Variants in GRK3 observed in about 807,000 individuals in gnomAD.
The protein encoded by GRK3 is adrenergic, beta, receptor kinase 2.
Under a neutral mutation model 95.7 loss-of-function variants are expected in GRK3, and 54 were observed. The ratio of observed to expected loss-of-function variants is 0.56; its 90% CI spans 0.45 to 0.71. The LOEUF (loss-of-function observed/expected upper bound fraction) is 0.71, where lower values mean the gene tolerates loss of function less well. Among genes scored for constraint, GRK3 ranks in the 30% least tolerant of loss-of-function variants. The probability of loss-of-function intolerance (pLI) is 0.00; values close to 1 mark genes in which losing one functional copy is unlikely to be tolerated. For missense variants in GRK3, 649 were observed against 851.2 expected (o/e 0.76, Z 2.96); for synonymous variants, 281 against 290.8 (o/e 0.97, Z 0.34).
At chr22:25,604,299 C>A in intron 1 of GRK3, 78 bp from the exon 2 acceptor site, 1 of 1,040,814 alleles carries the variant, frequency 9.6e-7, no homozygotes, top group South Asian at 1.5e-5. Flanking sequence ...GTCAAGACAT[C>A]CGTATCTCTT....
chr22:25,606,942 A>G (rs1356006916), intron 2 of GRK3, among the ~76,000 whole-genome samples: 3,494 of 152,018 alleles, frequency 0.023, 36 homozygotes, highest in East Asian at 0.034. Context: ...TTTAGCTGGT[A>G]ATACACATGA....
At chr22:25,596,101 G>A (rs1377390552) in intron 1 of GRK3, among the ~76,000 whole-genome samples, 3 of 152,184 alleles carry the variant, frequency 2.0e-5, no homozygotes, top group Admixed American at 6.5e-5. Context: ...ATCATGGTAG[G>A]AATTGTATGG....
At chr22:25,720,131 A>G (rs2085419701) in intron 19 of GRK3, among the ~76,000 whole-genome samples, 1 of 152,126 alleles carries the variant, frequency 6.6e-6, no homozygotes, top group African/African-American at 2.4e-5. Context: ...CAGATTATAC[A>G]TTTATTATGC....
intron 1 of GRK3, among the ~76,000 whole-genome samples, chr22:25,582,010 C>T (rs1443404307): frequency 2.6e-5 from 4 of 152,084 alleles, no homozygotes; most frequent in African/African-American, 9.7e-5. Flanking sequence ...TGGCTGGGCG[C>T]GGTGGCCTGT....
chr22:25,650,713 G>A (rs931880847), intron 3 of GRK3, among the ~76,000 whole-genome samples: 2 of 152,184 alleles, frequency 1.3e-5, no homozygotes, highest in African/African-American at 4.8e-5. Context: ...TATCTTCTGA[G>A]ACTTTTAAGA....
At chr22:25,718,524 C>A (rs1484876160) in intron 19 of GRK3, 143 bp downstream of exon 19, 4 of 958,524 alleles carry the variant, frequency 4.2e-6, no homozygotes, top group Non-Finnish European at 6.2e-6. Context: ...TTGTAATGTG[C>A]AAACTTTAAC....
At chr22:25,631,471 C>T (rs1034808582) in intron 2 of GRK3, among the ~76,000 whole-genome samples, 1 of 152,212 alleles carries the variant, frequency 6.6e-6, no homozygotes, top group Non-Finnish European at 1.5e-5. Flanking sequence ...TATTTACAGC[C>T]ACTGTGAGGG....
At chr22:25,566,430 TC>T (rs1286721306) in intron 1 of GRK3, among the ~76,000 whole-genome samples, 1 of 152,182 alleles carries the variant, frequency 6.6e-6, no homozygotes, top group African/African-American at 2.4e-5. Context: ...AAAATACCAG[TC>T]CCCTTGTTAT....
chr22:25,593,294 C>T (rs1932561114), intron 1 of GRK3, among the ~76,000 whole-genome samples: 2 of 152,078 alleles, frequency 1.3e-5, no homozygotes, highest in Admixed American at 6.5e-5. Flanking sequence ...ATTTACATTC[C>T]CACCAGCAGT....
intron 1 of GRK3, among the ~76,000 whole-genome samples, chr22:25,581,647 G>GA (rs369637715): frequency 3.4e-4 from 49 of 145,364 alleles, no homozygotes; most frequent in Admixed American, 4.1e-4. Flanking sequence ...AGAAGGATGA[G>GA]AAAAAAAAAA....
At chr22:25,687,199 C>T (rs184577110) in intron 10 of GRK3, among the ~76,000 whole-genome samples, 1 of 151,384 alleles carries the variant, frequency 6.6e-6, no homozygotes, top group African/African-American at 2.4e-5. Context: ...TTGGATCACT[C>T]CATGGGTTGA....
intron 13 of GRK3, among the ~76,000 whole-genome samples, chr22:25,697,265 T>G (rs1270500126): frequency 2.0e-5 from 3 of 152,244 alleles, no homozygotes; most frequent in Non-Finnish European, 4.4e-5. Context: ...ACTGCTTCAT[T>G]TTTTAAAAGA....
chr22:25,568,847 T>A (rs1047179228), intron 1 of GRK3, among the ~76,000 whole-genome samples: 1 of 152,260 alleles, frequency 6.6e-6, no homozygotes, highest in Non-Finnish European at 1.5e-5. Flanking sequence ...GCATAATGCA[T>A]AGAACACATG....
intron 2 of GRK3, among the ~76,000 whole-genome samples, chr22:25,636,216 G>A (rs141692706): frequency 1.7e-3 from 263 of 152,310 alleles, no homozygotes; most frequent in African/African-American, 5.9e-3. Context: ...ATGGAGAATA[G>A]TGTTTAGCAG....
At chr22:25,591,713 G>A (rs1932498364) in intron 1 of GRK3, among the ~76,000 whole-genome samples, 2 of 152,180 alleles carry the variant, frequency 1.3e-5, no homozygotes, top group Admixed American at 6.5e-5. Flanking sequence ...ATCCTTAAAA[G>A]TTTGCTCCTG....
chr22:25,648,390 CA>C, intron 3 of GRK3: 1 of 1,286,468 alleles, frequency 7.8e-7, no homozygotes, highest in Non-Finnish European at 1.1e-6. Flanking sequence ...ACCTCAGATT[CA>C]AGGTCTAGCA....
At chr22:25,655,885 A>G (rs746736797) in intron 3 of GRK3, among the ~76,000 whole-genome samples, 1 of 152,146 alleles carries the variant, frequency 6.6e-6, no homozygotes, top group Non-Finnish European at 1.5e-5. Flanking sequence ...CAAATAGGAC[A>G]CCAGATGAAC....
intron 6 of GRK3, among the ~76,000 whole-genome samples, chr22:25,668,773 A>G (rs1465695905): frequency 6.6e-6 from 1 of 152,126 alleles, no homozygotes; most frequent in African/African-American, 2.4e-5. Context: ...ACCTTTCCCA[A>G]CTCTTGGGTA....
At chr22:25,608,602 G>A (rs1237830879) in intron 2 of GRK3, among the ~76,000 whole-genome samples, 1 of 152,248 alleles carries the variant, frequency 6.6e-6, no homozygotes, top group African/African-American at 2.4e-5. Flanking sequence ...TGGAGGGCGT[G>A]TGGGTGCTCA....
Sources: gnomAD v4.1 joint callset for allele counts (sites outside exome capture counted in the v4.1 genomes callset) on GRCh38, gnomAD v4.1.1 for gene constraint, MANE v1.5 for transcripts, NCBI Gene and HGNC (gene_info 2026-07-23, HGNC 2026-07-21) for gene names.